LRRIQ3: variants seen among roughly 807,000 people sequenced by gnomAD.
The protein encoded by LRRIQ3 is leucine-rich repeat and IQ domain-containing protein 3.
A neutral mutation model predicts 59.3 loss-of-function variants in LRRIQ3; 75 were observed. That is an observed-to-expected ratio of 1.26 (90% CI 1.05 to 1.53). The LOEUF (loss-of-function observed/expected upper bound fraction) is 1.53, where lower values mean the gene tolerates loss of function less well. Ranked by LOEUF, LRRIQ3 falls within the 40% of genes most tolerant of loss-of-function variation. The pLI, the probability that LRRIQ3 is intolerant of heterozygous loss-of-function variation, is 0.00. For synonymous variants in LRRIQ3, 250 were observed against 231.3 expected (o/e 1.08, Z -0.73); for missense variants, 831 against 710.0 (o/e 1.17, Z -1.94).
chr1:74,057,848 T>A lies in LRRIQ3; in HGVS notation c.998-15915A>T, dbSNP rs142442915. ...TGTGATAAGGGGTTAATATCAAAAA[T>A]ACATAGGGAACTCAAACTCAATAGC... On this transcript the variant is annotated intron_variant, in intron 6 of 7. Coordinates refer to ENST00000354431, the MANE Select transcript of LRRIQ3 (RefSeq NM_001105659.2). Among the ~76,000 whole-genome samples the A allele has an allele frequency of 3.8e-3, 574 of 152,042 alleles. 5 individuals are homozygous for A. Among genetic ancestry groups the A allele is most frequent in the African/African-American group, 0.013 (545 of 41,502 alleles).
chr1:74,151,096 C>T (rs1176949998), intron 4 of LRRIQ3, among the ~76,000 whole-genome samples: 1 of 136,924 alleles, frequency 7.3e-6, no homozygotes, highest in African/African-American at 2.7e-5. Context: ...CGGCTCACTA[C>T]AACCTCCGCC....
At chr1:74,141,118 A>G (rs913155777) in intron 4 of LRRIQ3, among the ~76,000 whole-genome samples, 1 of 151,804 alleles carries the variant, frequency 6.6e-6, no homozygotes, top group Non-Finnish European at 1.5e-5. Flanking sequence ...TAGGAATCAT[A>G]ATTTGCGTCT....
rs896017377 is a variant in LRRIQ3 at position 74,041,615 on chromosome 1, T to A, written c.1316A>T (p.Lys439Ile). Residue 439 changes from lysine to isoleucine, a missense_variant, in exon 7 of 8, where the codon AAA becomes ATA. Transcript: ENST00000354431. The stretch of plus-strand genomic sequence containing the variant: ...TTGTGCCATGGCTACAACTCTTACT[T>A]TTTCTTTATGGTATTCCTGCTTCTT... ...EQKKQEYHKE[K>I]VRVVAMAQVA... 3 of 1,613,808 alleles carry A rather than the reference T, an allele frequency of 1.9e-6. No homozygotes were observed. Among genetic ancestry groups the A allele is most frequent in the Non-Finnish European group, 2.5e-6 (3 of 1,179,856 alleles).
At chr1:74,034,643 C>T (rs1384524915) in intron 7 of LRRIQ3, among the ~76,000 whole-genome samples, 1 of 151,264 alleles carries the variant, frequency 6.6e-6, no homozygotes, top group African/African-American at 2.4e-5. Flanking sequence ...CAGACACACA[C>T]ACACACACAC....
intron 4 of LRRIQ3, among the ~76,000 whole-genome samples, chr1:74,113,961 A>C (rs553927484): frequency 1.9e-4 from 29 of 151,476 alleles, no homozygotes; most frequent in African/African-American, 4.6e-4. Flanking sequence ...CTCTTTCTCT[A>C]TCTCTCTCTC....
intron 1 of LRRIQ3, among the ~76,000 whole-genome samples, chr1:74,187,076 G>A (rs748623370): frequency 6.6e-6 from 1 of 152,082 alleles, no homozygotes; most frequent in Non-Finnish European, 1.5e-5. Context: ...AATACTGCTG[G>A]TGGGAATGTA....
chr1:74,125,417 C>T (rs11210421), intron 4 of LRRIQ3, among the ~76,000 whole-genome samples: 44,140 of 151,790 alleles, frequency 0.29, 7,248 homozygotes, highest in Middle Eastern at 0.43. Flanking sequence ...TGAAAGTGGA[C>T]ATCCTTGTTG....
At chr1:74,160,469 T>C (rs1335610075) in intron 3 of LRRIQ3, among the ~76,000 whole-genome samples, 2 of 152,122 alleles carry the variant, frequency 1.3e-5, no homozygotes, top group Non-Finnish European at 2.9e-5. Context: ...GCTCACAGAA[T>C]TTTTCCCAGT....
chr1:74,029,990 A>G (rs1653648603), intron 7 of LRRIQ3, among the ~76,000 whole-genome samples: 1 of 151,760 alleles, frequency 6.6e-6, no homozygotes. Flanking sequence ...TTGCTCAGAG[A>G]GCCAAATCAT....
At chr1:74,155,137 C>A (rs553154049) in intron 4 of LRRIQ3, among the ~76,000 whole-genome samples, 2 of 152,170 alleles carry the variant, frequency 1.3e-5, no homozygotes, top group African/African-American at 4.8e-5. Flanking sequence ...TCATTTCTAT[C>A]TTCTGAACTT....
chr1:74,035,790 T>G (rs1483787), intron 7 of LRRIQ3, among the ~76,000 whole-genome samples: 125,543 of 151,846 alleles, frequency 0.83, 53,426 homozygotes, highest in East Asian at 0.97. Flanking sequence ...CTTCATAAAC[T>G]TTCTGCTATA....
intron 6 of LRRIQ3, among the ~76,000 whole-genome samples, chr1:74,061,071 T>C (rs1469101172): frequency 1.3e-5 from 2 of 152,126 alleles, no homozygotes; most frequent in Admixed American, 6.6e-5. Flanking sequence ...ATCTGATATA[T>C]GACCTCAGCA....
At chr1:74,149,149 T>C (rs886316383) in intron 4 of LRRIQ3, among the ~76,000 whole-genome samples, 5 of 152,228 alleles carry the variant, frequency 3.3e-5, no homozygotes, top group African/African-American at 7.2e-5. Context: ...ATTTTCTTTC[T>C]TGTAACGTCT....
intron 3 of LRRIQ3, chr1:74,181,382 A>G (rs1344485522): frequency 1.3e-5 from 2 of 151,816 alleles, no homozygotes; most frequent in East Asian, 1.9e-4. Flanking sequence ...ACCTACCCTA[A>G]TTTTCCTACT....
intron 6 of LRRIQ3, among the ~76,000 whole-genome samples, chr1:74,049,889 A>C (rs1654315740): frequency 6.6e-6 from 1 of 151,712 alleles, no homozygotes; most frequent in Non-Finnish European, 1.5e-5. Flanking sequence ...ACTCAGGTTA[A>C]AACTGAGGAA....
At chr1:74,053,495 T>C (rs966824990) in intron 6 of LRRIQ3, among the ~76,000 whole-genome samples, 13 of 152,084 alleles carry the variant, frequency 8.5e-5, no homozygotes, top group South Asian at 2.1e-4. Flanking sequence ...AAGAACGTTA[T>C]TAAAACTCAA....
At chr1:74,168,528 C>G (rs58408565) in intron 3 of LRRIQ3, among the ~76,000 whole-genome samples, 37 of 152,080 alleles carry the variant, frequency 2.4e-4, no homozygotes, top group African/African-American at 8.4e-4. Context: ...AGTTTTGAAG[C>G]CCAATTTGCC....
intron 4 of LRRIQ3, among the ~76,000 whole-genome samples, chr1:74,138,691 A>T (rs1362744386): frequency 1.3e-5 from 2 of 151,978 alleles, no homozygotes; most frequent in African/African-American, 2.4e-5. Flanking sequence ...ACATGTTGCA[A>T]GTTATACTTG....
chr1:74,056,026 T>G (rs1236826909), intron 6 of LRRIQ3, among the ~76,000 whole-genome samples: 1 of 151,506 alleles, frequency 6.6e-6, no homozygotes, highest in Non-Finnish European at 1.5e-5. Context: ...GTGCCTGTAG[T>G]CCCAGCTACT....
Sources: allele counts gnomAD v4.1 joint callset (sites outside exome capture counted in the v4.1 genomes callset), GRCh38; gene constraint gnomAD v4.1.1; transcripts MANE v1.5; gene names NCBI Gene and HGNC (gene_info 2026-07-23, HGNC 2026-07-21).